Variants in ANKRD36C observed in about 807,000 individuals in gnomAD.
The protein encoded by ANKRD36C is ankyrin repeat domain 36C, also known as ankyrin repeat domain-containing protein 36C.
In ANKRD36C, 61 loss-of-function variants were observed where a neutral mutation model predicts 276.4. That is an observed-to-expected ratio of 0.22 (90% confidence interval 0.18 to 0.27). The LOEUF is 0.27. Ranked by LOEUF, ANKRD36C falls within the 10% of genes least tolerant of loss-of-function variation. The pLI is 1.00. For synonymous variants in ANKRD36C, 483 were observed against 680.1 expected (o/e 0.71, Z 4.51); for missense variants, 1,447 against 2,032.3 (o/e 0.71, Z 5.54).
chr2:95,953,881 A>G (rs550128066), intron 14 of ANKRD36C, 58 bp downstream of exon 14: 1 of 1,442,598 alleles, frequency 6.9e-7, no homozygotes, highest in South Asian at 1.3e-5. Context: ...TTAGAAGAAA[A>G]TAATATAAAA....
At chr2:95,893,601 G>T (rs1447780682) in intron 44 of ANKRD36C, 2 of 1,582,578 alleles carry the variant, frequency 1.3e-6, no homozygotes, top group East Asian at 4.6e-5. Context: ...CTCGTCACCT[G>T]TAGCCTGAAT....
At chr2:95,870,331 AT>A (rs1675776805) in intron 59 of ANKRD36C, among the ~76,000 whole-genome samples, 1 of 152,158 alleles carries the variant, frequency 6.6e-6, no homozygotes. Flanking sequence ...CAGAGGAACG[AT>A]CACACAGCAG....
chr2:95,923,444 T>A, intron 32 of ANKRD36C, 51 bp downstream of exon 32: 1 of 1,590,702 alleles, frequency 6.3e-7, no homozygotes, highest in Non-Finnish European at 8.6e-7. Flanking sequence ...GGAAGAGAAG[T>A]TCTTTTCTAT....
chr2:95,884,973 A>G (rs1676168787), intron 52 of ANKRD36C, among the ~76,000 whole-genome samples: 2 of 152,140 alleles, frequency 1.3e-5, no homozygotes, highest in South Asian at 2.1e-4. Context: ...TAATTTGCCT[A>G]AGTTTCTTGT....
At chr2:95,866,887 A>G (rs937060770) in intron 60 of ANKRD36C, among the ~76,000 whole-genome samples, 1 of 152,194 alleles carries the variant, frequency 6.6e-6, no homozygotes, top group African/African-American at 2.4e-5. Flanking sequence ...ATTATACCAC[A>G]CTAAAGCTAC....
Position 95,980,773 on chromosome 2 carries a change from T to C in ANKRD36C, c.606A>G (p.Ile202Met), listed in dbSNP as rs756248087. The change falls in exon 5 of 67, where the codon ATA (isoleucine) becomes ATG (methionine). Residue 202 changes from isoleucine to methionine, a missense_variant. Transcript: ENST00000456556. ...CTTTTTCTCCAAGAGTAACAGCATG[T>C]ATGAGGGCTGATCTAAAATAACAGA... 7 of 1,593,494 alleles carry C rather than the reference T, an allele frequency of 4.4e-6. No individual in the cohort carries two copies. The East Asian group carries it at 1.6e-4, about 36-fold the overall frequency.
At chr2:95,891,983 T>C (rs1298049950) in intron 44 of ANKRD36C, 123 bp from the exon 65 acceptor site, 1 of 1,482,976 alleles carries the variant, frequency 6.7e-7, no homozygotes, top group Non-Finnish European at 9.2e-7. Flanking sequence ...TTTGATGGCT[T>C]CTACTTTGTG....
At chr2:95,928,543 G>A (rs1573774449) in intron 26 of ANKRD36C, among the ~76,000 whole-genome samples, 1 of 151,478 alleles carries the variant, frequency 6.6e-6, no homozygotes, top group Admixed American at 6.6e-5. Context: ...GTTCACTCAG[G>A]TTTCCTCAGC....
At chr2:95,949,566 C>G (rs1273846649) in intron 16 of ANKRD36C, among the ~76,000 whole-genome samples, 1 of 152,250 alleles carries the variant, frequency 6.6e-6, no homozygotes, top group Non-Finnish European at 1.5e-5. Context: ...TCATTCAATT[C>G]TCATCCTCTT....
At chr2:95,891,804 T>G (rs1676370950) in intron 45 of ANKRD36C, 28 bp downstream of exon 65, 1 of 1,559,244 alleles carries the variant, frequency 6.4e-7, no homozygotes, top group Non-Finnish European at 8.7e-7. Flanking sequence ...CATTTACTAG[T>G]TCACAATATA....
intron 59 of ANKRD36C, among the ~76,000 whole-genome samples, chr2:95,870,971 G>A (rs1179089597): frequency 2.0e-5 from 3 of 152,048 alleles, no homozygotes; most frequent in African/African-American, 7.2e-5. Flanking sequence ...AGAGAAAAAA[G>A]AATGAAAAGA....
At chr2:95,972,477 C>T (rs1406603979) in intron 6 of ANKRD36C, among the ~76,000 whole-genome samples, 3 of 152,160 alleles carry the variant, frequency 2.0e-5, no homozygotes, top group Non-Finnish European at 4.4e-5. Context: ...CTGGCTTCCC[C>T]AAGACTTGCC....
At chr2:95,863,589 A>C (rs1334126423) in intron 60 of ANKRD36C, among the ~76,000 whole-genome samples, 1 of 152,120 alleles carries the variant, frequency 6.6e-6, no homozygotes, top group Non-Finnish European at 1.5e-5. Flanking sequence ...GATGCAACGA[A>C]GACATCCTCC....
At chr2:95,984,581 A>C (rs1043848080) in intron 3 of ANKRD36C, among the ~76,000 whole-genome samples, 73 of 151,646 alleles carry the variant, frequency 4.8e-4, no homozygotes, top group Non-Finnish European at 7.4e-5. Flanking sequence ...TTAGTTTCAG[A>C]TTTTTTTTTC....
chr2:95,920,861 C>G (rs1677244484), intron 34 of ANKRD36C, among the ~76,000 whole-genome samples: 1 of 149,838 alleles, frequency 6.7e-6, no homozygotes, highest in African/African-American at 2.5e-5. Context: ...AACAAGGAAG[C>G]CAATGTATTC....
chr2:95,954,527 C>A (rs1439179285), intron 13 of ANKRD36C, among the ~76,000 whole-genome samples: 1 of 152,152 alleles, frequency 6.6e-6, no homozygotes, highest in East Asian at 1.9e-4. Flanking sequence ...TTAAAGAGGG[C>A]CCATTGATTC....
chr2:95,916,199 C>T (rs1331753554), intron 36 of ANKRD36C, 28 bp from the exon 39 acceptor site: 1 of 1,602,680 alleles, frequency 6.2e-7, no homozygotes, highest in African/African-American at 1.3e-5. Flanking sequence ...CACGTAATCA[C>T]TCACTCGTAA....
exon 62 of ANKRD36C, chr2:95,857,446 A>C (rs35461149): frequency 0.25 from 335,511 of 1,352,832 alleles, 66,798 homozygotes; most frequent in South Asian, 0.4. Flanking sequence ...TTTTGGTGCA[A>C]CTCTTCAACA....
intron 10 of ANKRD36C, among the ~76,000 whole-genome samples, chr2:95,959,618 C>T (rs2104502497): frequency 6.6e-6 from 1 of 152,046 alleles, no homozygotes; most frequent in Admixed American, 6.6e-5. Flanking sequence ...TTAATGAATT[C>T]AACATTATTT....
Sources: gnomAD v4.1 joint callset for allele counts (sites outside exome capture counted in the v4.1 genomes callset) on GRCh38, gnomAD v4.1.1 for gene constraint, MANE v1.5 for transcripts, NCBI Gene and HGNC (gene_info 2026-07-23, HGNC 2026-07-21) for gene names.